SLC25A21: variants seen among roughly 807,000 people sequenced by gnomAD.
SLC25A21 encodes solute carrier family 25 member 21, also known as mitochondrial 2-oxodicarboxylate carrier.
In SLC25A21, 47 loss-of-function variants were observed where a neutral mutation model predicts 43.8. The ratio of observed to expected loss-of-function variants is 1.07; its 90% CI spans 0.85 to 1.37. SLC25A21 has a LOEUF of 1.37. SLC25A21 is among the 40% of genes most tolerant of loss of function. SLC25A21 has a pLI of 0.00. For synonymous variants in SLC25A21, 131 were observed against 121.3 expected (o/e 1.08, Z -0.52); for missense variants, 352 against 350.2 (o/e 1.00, Z -0.04).
At chr14:37,084,267 A>C (rs1418067233) in intron 1 of SLC25A21, among the ~76,000 whole-genome samples, 2 of 152,148 alleles carry the variant, frequency 1.3e-5, no homozygotes, top group African/African-American at 4.8e-5. Flanking sequence ...TTGTGATATA[A>C]GGTTTTAGCA....
intron 6 of SLC25A21, among the ~76,000 whole-genome samples, chr14:36,719,051 G>C (rs117066843): frequency 6.6e-6 from 1 of 152,088 alleles, no homozygotes; most frequent in African/African-American, 2.4e-5. Context: ...AGACCTCAAG[G>C]GAAGGAAAAC....
intron 1 of SLC25A21, among the ~76,000 whole-genome samples, chr14:37,057,228 C>A (rs8017826): frequency 0.14 from 21,357 of 152,040 alleles, 3,454 homozygotes; most frequent in African/African-American, 0.4. Context: ...CGTTCCTCAC[C>A]CAGCTCATTT....
chr14:36,958,917 C>T (rs1014460169), intron 1 of SLC25A21, among the ~76,000 whole-genome samples: 2 of 152,208 alleles, frequency 1.3e-5, no homozygotes, highest in African/African-American at 2.4e-5. Context: ...TTTCTGCAGG[C>T]CTGTTTGTTT....
In SLC25A21 at chr14:37,090,875, G is replaced by A. The variant is rs538521195; in HGVS notation, c.70+81406C>T. On this transcript the variant is annotated intron_variant, in intron 1 of 9. Transcript: ENST00000331299. ...ACTAGTTATGTCCAATAAAGTTGTG[G>A]TGGAAACTGCATTAGCCACCACTGA... Among the ~76,000 whole-genome samples the A allele has an allele frequency of 9.2e-5, 14 of 152,238 alleles. No homozygotes were observed. The South Asian group carries it at 2.5e-3, about 27-fold the overall frequency.
intron 1 of SLC25A21, among the ~76,000 whole-genome samples, chr14:37,124,249 T>C (rs1040261619): frequency 2.0e-5 from 3 of 152,096 alleles, no homozygotes; most frequent in African/African-American, 7.2e-5. Context: ...GCCACATTGG[T>C]TTTAAAATAA....
chr14:36,681,400 A>G (rs1368618987), intron 9 of SLC25A21, among the ~76,000 whole-genome samples: 3 of 152,208 alleles, frequency 2.0e-5, no homozygotes, highest in Non-Finnish European at 4.4e-5. Context: ...ACTGGCTGTG[A>G]AGAGACATGC....
At chr14:36,693,810 T>TA (rs565831612) in intron 7 of SLC25A21, among the ~76,000 whole-genome samples, 4 of 151,882 alleles carry the variant, frequency 2.6e-5, no homozygotes, top group South Asian at 4.2e-4. Flanking sequence ...TTTTTTAATT[T>TA]AAAAAAAATG....
In SLC25A21 at chr14:36,895,148, C is replaced by T. The variant is rs536681072; in HGVS notation, c.71-20144G>A. 3.2e-3 allele frequency among the ~76,000 whole-genome samples: 490 copies of T among 152,252 alleles called. 4 individuals are homozygous for T. The highest frequency in any genetic ancestry group is 0.011 in the African/African-American group (459 of 41,546). On this transcript the variant is annotated intron_variant, in intron 1 of 9. Coordinates refer to ENST00000331299, the MANE Select transcript of SLC25A21 (RefSeq NM_030631.4). The stretch of plus-strand genomic sequence containing the variant: ...TCCTCCTTATACCTCTGGTAGAATT[C>T]GGCTGTGAAGCCATCTGGTCCTGGA...
intron 7 of SLC25A21, among the ~76,000 whole-genome samples, chr14:36,690,063 G>GA (rs1159019256): frequency 2.0e-5 from 3 of 152,198 alleles, no homozygotes; most frequent in Non-Finnish European, 4.4e-5. Flanking sequence ...TCCAAAGCCA[G>GA]AATGGCTATC....
chr14:37,080,140 G>T (rs2138836999), intron 1 of SLC25A21, among the ~76,000 whole-genome samples: 2 of 152,274 alleles, frequency 1.3e-5, no homozygotes, highest in Middle Eastern at 6.8e-3. Flanking sequence ...TTTTGTTACA[G>T]CAGCCCAAAC....
At chr14:36,744,632 G>A (rs935479820) in intron 3 of SLC25A21, among the ~76,000 whole-genome samples, 6 of 34,214 alleles carry the variant, frequency 1.8e-4, no homozygotes, top group Admixed American at 1.0e-3. Flanking sequence ...TGGCAGAAAT[G>A]CAACAAAACC....
chr14:36,960,085 A>C (rs1370342334), intron 1 of SLC25A21, among the ~76,000 whole-genome samples: 1 of 152,230 alleles, frequency 6.6e-6, no homozygotes, highest in Non-Finnish European at 1.5e-5. Context: ...GCAAAGGTCC[A>C]TGGATGTATC....
chr14:36,787,762 C>A (rs1887304261), intron 3 of SLC25A21, among the ~76,000 whole-genome samples: 1 of 152,118 alleles, frequency 6.6e-6, no homozygotes, highest in Non-Finnish European at 1.5e-5. Flanking sequence ...AGAAACATGT[C>A]CAGCCAATAT....
At chr14:36,693,676 C>T (rs1045279549) in intron 7 of SLC25A21, among the ~76,000 whole-genome samples, 1 of 151,920 alleles carries the variant, frequency 6.6e-6, no homozygotes, top group African/African-American at 2.4e-5. Flanking sequence ...TTTTGTCGCC[C>T]AGCCTGGAGT....
At chr14:36,941,936 T>C (rs1366470681) in intron 1 of SLC25A21, among the ~76,000 whole-genome samples, 1 of 152,110 alleles carries the variant, frequency 6.6e-6, no homozygotes, top group African/African-American at 2.4e-5. Flanking sequence ...AAATCAATGA[T>C]ACATCAAATT....
At position 36,680,331 on chromosome 14, in the gene SLC25A21, A is replaced by G. The variant is rs962934245; in HGVS notation, c.*327T>C. 14 of 1,008,524 alleles carry G rather than the reference A, an allele frequency of 1.4e-5. No homozygotes were observed. Among genetic ancestry groups the G allele is most frequent in the Non-Finnish European group, 1.5e-5 (13 of 845,354 alleles). The allele number at this position is 1,008,524 out of a possible 1,614,324, so 62.5% of individuals were successfully genotyped here. ...ATGCTGATCAATACAATGAATTTTC[A>G]TTGTGAAGCATTGAAGAGGAACACA... On this transcript the variant is annotated 3_prime_UTR_variant, in exon 10 of 10. Coordinates refer to ENST00000331299, the MANE Select transcript of SLC25A21 (RefSeq NM_030631.4).
In SLC25A21 at chr14:36,679,669, C is replaced by G. The variant is rs887066505; in HGVS notation, c.*989G>C. ...ATACTGCAGACAGCTGACTTCCCAC[C>G]TGAAGTTGTCGTTTAAAACTAATAA... is the stretch of plus-strand genomic sequence containing the variant. On this transcript the variant is annotated 3_prime_UTR_variant, in exon 10 of 10. Coordinates refer to ENST00000331299, the MANE Select transcript of SLC25A21 (RefSeq NM_030631.4). The G allele has an allele frequency of 4.1e-6, 4 of 985,268 alleles. No homozygotes were observed. The highest frequency in any genetic ancestry group is 4.8e-6 in the Non-Finnish European group (4 of 829,890). 61.0% of individuals were successfully genotyped at this position (985,268 alleles called of 1,614,324 possible).
At chr14:36,772,424 A>G (rs1469790671) in intron 3 of SLC25A21, among the ~76,000 whole-genome samples, 1 of 152,220 alleles carries the variant, frequency 6.6e-6, no homozygotes, top group Non-Finnish European at 1.5e-5. Context: ...ATGCATTTCC[A>G]AAGTCTATCT....
intron 3 of SLC25A21, among the ~76,000 whole-genome samples, chr14:36,761,146 T>C (rs765553028): frequency 6.6e-6 from 1 of 152,188 alleles, no homozygotes; most frequent in African/African-American, 2.4e-5. Flanking sequence ...TGAAAGGTTA[T>C]CCGTGCCACA....
Sources: gnomAD v4.1 joint callset for allele counts (sites outside exome capture counted in the v4.1 genomes callset) on GRCh38, gnomAD v4.1.1 for gene constraint, MANE v1.5 for transcripts, NCBI Gene and HGNC (gene_info 2026-07-23, HGNC 2026-07-21) for gene names.